The following ANKRD16 variants were observed in gnomAD, a reference collection of about 807,000 sequenced individuals.
ANKRD16 encodes ankyrin repeat domain-containing protein 16.
Under a neutral mutation model 37.9 loss-of-function variants are expected in ANKRD16, and 35 were observed. The ratio of observed to expected loss-of-function variants is 0.92; its 90% confidence interval spans 0.71 to 1.23. The LOEUF (loss-of-function observed/expected upper bound fraction) is 1.23, where lower values mean the gene tolerates loss of function less well. ANKRD16 is among the 50% of genes most tolerant of loss of function. The probability of loss-of-function intolerance (pLI) is 0.00; values close to 1 mark genes in which losing one functional copy is unlikely to be tolerated. For synonymous variants in ANKRD16, 206 were observed against 197.2 expected (o/e 1.04, Z -0.37); for missense variants, 480 against 469.9 (o/e 1.02, Z -0.20).
At chr10:5,877,545 T>C (rs1232595994) in intron 7 of ANKRD16, among the ~76,000 whole-genome samples, 1 of 152,252 alleles carries the variant, frequency 6.6e-6, no homozygotes, top group Non-Finnish European at 1.5e-5. Flanking sequence ...TATAAAAGTT[T>C]TTATTAATTT....
In ANKRD16 at chr10:5,878,409, A is replaced by T. The variant is rs1387309818; in HGVS notation, c.929-122T>A. ...TCAATATCTTCCGTAATCCATCTTC[A>T]CAACTTCACCTATACTAGATCAAAA... On this transcript the variant is annotated intron_variant, in intron 6 of 7. Transcript: ENST00000380094. This position sits in a 1 kb window ranked among gnomAD's most constrained non-coding sequence, Gnocchi z 5.1. The T allele has an allele frequency of 1.1e-6, 1 of 902,500 alleles. No individual in the cohort carries two copies. Among genetic ancestry groups the T allele is most frequent in the Non-Finnish European group, 1.6e-6 (1 of 617,972 alleles). 55.9% of individuals were successfully genotyped at this position (902,500 alleles called of 1,614,324 possible). A position where few individuals can be genotyped will look rare whatever the true frequency, so the allele number is the denominator to read the frequency against.
intron 3 of ANKRD16, among the ~76,000 whole-genome samples, chr10:5,885,109 C>A (rs1842396899): frequency 6.6e-6 from 1 of 152,180 alleles, no homozygotes; most frequent in Admixed American, 6.5e-5. Flanking sequence ...CTGTTGAGTT[C>A]CAGGAGGGTA....
intron 4 of ANKRD16, among the ~76,000 whole-genome samples, chr10:5,883,758 A>C (rs1842361601): frequency 6.6e-6 from 1 of 152,226 alleles, no homozygotes; most frequent in Admixed American, 6.5e-5. Context: ...TATATTATTT[A>C]ATCCTTGTAA....
At position 5,878,181 on chromosome 10, in the gene ANKRD16, G is replaced by A; in HGVS notation, c.1035C>T (p.Leu345=). The A allele has an allele frequency of 4.3e-6, 7 of 1,614,134 alleles. No individual in the cohort carries two copies. Among genetic ancestry groups the A allele is most frequent in the Non-Finnish European group, 5.9e-6 (7 of 1,180,026 alleles). Residue 345 remains leucine, a synonymous_variant, in exon 7 of 8, where the codon CTC becomes CTT. Transcript: ENST00000380094. This position sits in a 1 kb window ranked among gnomAD's most constrained non-coding sequence, Gnocchi z 5.1. ...EDITGTLAQQ[L]PRRADVLQGS... The stretch of plus-strand genomic sequence containing the variant: ...CCTGAAGGACATCTGCTCTCCTTGG[G>A]AGCTGCTGAGCCAGGGTGCCCGTGA...
At chr10:5,872,723 A>AT (rs1391625750) in intron 7 of ANKRD16, among the ~76,000 whole-genome samples, 24 of 150,904 alleles carry the variant, frequency 1.6e-4, no homozygotes, top group South Asian at 6.3e-4. Context: ...CACCCGGCTA[A>AT]TTTTTTGTAT....
chr10:5,881,441 T>TAAATAAATAAATAA (rs1459236408), intron 5 of ANKRD16, among the ~76,000 whole-genome samples: 1 of 21,294 alleles, frequency 4.7e-5, no homozygotes, highest in Admixed American at 4.4e-4. Flanking sequence ...ATATTATTTA[T>TAAATAAATAAATAA]ATATATATAT....
rs556361932 is a variant in ANKRD16, at chr10:5,876,860, G to T, written c.*33+1237C>A. ...ATTATTCTTTGCAATTCAGAGAGAA[G>T]GATCAAAAAAGGAAAAGAAAGAAAA... On this transcript the variant is annotated intron_variant, in intron 7 of 7. Transcript: ENST00000380094. 2.0e-5 allele frequency among the ~76,000 whole-genome samples: 3 copies of T among 151,662 alleles called. No homozygotes were observed. The South Asian group carries it at 6.2e-4, about 32-fold the overall frequency.
Position 5,878,065 on chromosome 10 carries a change from G to C in ANKRD16, c.*33+32C>G, listed in dbSNP as rs1842212131. The C allele has an allele frequency of 6.4e-7, 1 of 1,556,878 alleles. No homozygotes were observed. The highest frequency in any genetic ancestry group is 1.4e-5 in the African/African-American group (1 of 73,282). ...GCTTCCAACTGGTTTCGCTGAATCTGTGACTGACTTAAGAAGCAGGATATG... is the reference window on the plus strand; with the variant it reads ...GCTTCCAACTGGTTTCGCTGAATCTCTGACTGACTTAAGAAGCAGGATATG... On this transcript the variant is annotated intron_variant, in intron 7 of 7. Coordinates refer to ENST00000380094, the MANE Select transcript of ANKRD16 (RefSeq NM_019046.3). This position sits in a 1 kb window ranked among gnomAD's most constrained non-coding sequence, Gnocchi z 5.1.
At position 5,883,215 on chromosome 10, in the gene ANKRD16, G is replaced by A. The variant is rs138928359; in HGVS notation, c.688-48C>T. On this transcript the variant is annotated intron_variant, in intron 4 of 7. Coordinates refer to ENST00000380094, the MANE Select transcript of ANKRD16 (RefSeq NM_019046.3). The stretch of plus-strand genomic sequence containing the variant: ...GAGCAAAGGTCAAAGATAAGAAACA[G>A]GGCAACTTAGATCTGGGCATCTGCT... 68 of 1,587,080 alleles carry A rather than the reference G, an allele frequency of 4.3e-5. No individual in the cohort carries two copies. The Middle Eastern group carries it at 7.1e-4, about 17-fold the overall frequency.
intron 5 of ANKRD16, chr10:5,882,773 A>G: frequency 5.5e-6 from 2 of 361,372 alleles, no homozygotes; most frequent in Non-Finnish European, 1.0e-5. Flanking sequence ...TGTGAGGGGG[A>G]GGCACTTTAT....
chr10:5,883,295 T>C (rs1386576594), intron 4 of ANKRD16, 128 bp from the exon 5 acceptor site: 1 of 955,438 alleles, frequency 1.0e-6, no homozygotes, highest in Non-Finnish European at 1.5e-6. Context: ...AGAGGATATG[T>C]GGCTTTTGTC....
Position 5,876,732 on chromosome 10 carries a change from G to T in ANKRD16, c.*33+1365C>A, listed in dbSNP as rs555396596. ...AACCGAGCCCAACGCTGAGAGTAAG[G>T]TGGGTGTGTAATAAGCACTTACTGG... is the stretch of plus-strand genomic sequence containing the variant. On this transcript the variant is annotated intron_variant, in intron 7 of 7. Coordinates refer to ENST00000380094, the MANE Select transcript of ANKRD16 (RefSeq NM_019046.3). Among the ~76,000 whole-genome samples, 44 of 152,330 alleles carry T rather than the reference G, an allele frequency of 2.9e-4. 1 individual carries two copies. Among genetic ancestry groups the T allele is most frequent in the Admixed American group, 2.7e-3 (42 of 15,296 alleles).
At chr10:5,880,258 G>C in intron 6 of ANKRD16, 40 bp downstream of exon 6, 2 of 1,024,586 alleles carry the variant, frequency 2.0e-6, no homozygotes, top group South Asian at 3.0e-5. Context: ...GTTATACTCA[G>C]TTTACTAATT....
chr10:5,879,461 T>A (rs1420358682), intron 6 of ANKRD16, among the ~76,000 whole-genome samples: 2 of 151,458 alleles, frequency 1.3e-5, no homozygotes, highest in African/African-American at 4.9e-5. Context: ...GAGCGAGACT[T>A]TGTCTCCAAA....
At chr10:5,876,549 AACT>A (rs1452744655) in intron 7 of ANKRD16, among the ~76,000 whole-genome samples, 1 of 152,246 alleles carries the variant, frequency 6.6e-6, no homozygotes, top group Non-Finnish European at 1.5e-5. Context: ...GAAAAGTGGT[AACT>A]ACATCTCAAA....
Position 5,889,189 on chromosome 10 carries a change from G to C in ANKRD16, c.166C>G (p.Leu56Val), listed in dbSNP as rs1391693062. The C allele has an allele frequency of 6.3e-7, 1 of 1,597,858 alleles. No homozygotes were observed. The highest frequency in any genetic ancestry group is 1.7e-5 in the Admixed American group (1 of 59,840). Residue 56 changes from leucine to valine, a missense_variant, in exon 1 of 8, where the codon CTG becomes GTG. Coordinates refer to ENST00000380094, the MANE Select transcript of ANKRD16 (RefSeq NM_019046.3). Reference protein sequence around the residue: ...RHGHRDVLAYLAEAWGMDIEA... With the variant: ...RHGHRDVLAYVAEAWGMDIEA... ...ATGTCCATGCCCCAGGCCTCGGCCA[G>C]ATAGGCCAGCACGTCCCGATGCCCG...
rs1013649462 is a variant in ANKRD16 at position 5,862,665 on chromosome 10, C to T, written c.*60G>A. The T allele has an allele frequency of 2.8e-5, 36 of 1,289,538 alleles. No individual in the cohort carries two copies. The highest frequency in any genetic ancestry group is 3.0e-5 in the African/African-American group (2 of 65,790). 79.9% of individuals were successfully genotyped at this position (1,289,538 alleles called of 1,614,324 possible). ...ACTTGGCTTTCTCTGAGCCGAAAAA[C>T]GAAAGGTGCTCAGGCTCCCAGCAAC... On this transcript the variant is annotated 3_prime_UTR_variant, in exon 8 of 8. Coordinates refer to ENST00000380094, the MANE Select transcript of ANKRD16 (RefSeq NM_019046.3). This position sits in a 1 kb window ranked among gnomAD's most constrained non-coding sequence, Gnocchi z 6.5.
rs571743505 is a variant in ANKRD16 at position 5,873,633 on chromosome 10, C to T, written c.*33+4464G>A. 8.9e-4 allele frequency among the ~76,000 whole-genome samples: 136 copies of T among 152,272 alleles called. No individual in the cohort carries two copies. In the South Asian group the frequency reaches 0.013, roughly 14 times the overall value. ...TTAAAAGGGACATTTTTCTGGTCTG[C>T]CACCTGCTGGTGGATTCTAGCAACG... On this transcript the variant is annotated intron_variant, in intron 7 of 7. Coordinates refer to ENST00000380094, the MANE Select transcript of ANKRD16 (RefSeq NM_019046.3).
Position 5,866,701 on chromosome 10 carries a change from A to G in ANKRD16, c.*34-4010T>C, listed in dbSNP as rs1589012603. On this transcript the variant is annotated intron_variant, in intron 7 of 7. Transcript: ENST00000380094. This position sits in a 1 kb window ranked among gnomAD's most constrained non-coding sequence, Gnocchi z 4.3. ...CACCGCCGAAGCCATCAAAAAGGGGAAGGAGAGGGGAGAACAGCAGCGTAA... is the reference window on the plus strand; with the variant it reads ...CACCGCCGAAGCCATCAAAAAGGGGGAGGAGAGGGGAGAACAGCAGCGTAA... Among the ~76,000 whole-genome samples the G allele has an allele frequency of 6.6e-6, 1 of 152,152 alleles. No homozygotes were observed. Among genetic ancestry groups the G allele is most frequent in the African/African-American group, 2.4e-5 (1 of 41,424 alleles).
Sources: allele counts gnomAD v4.1 joint callset (sites outside exome capture counted in the v4.1 genomes callset), GRCh38; gene constraint gnomAD v4.1.1; non-coding constraint Gnocchi (gnomAD v3.1); transcripts MANE v1.5; gene names NCBI Gene and HGNC (gene_info 2026-07-23, HGNC 2026-07-21).